The following TBC1D5 variants were observed in gnomAD, a reference collection of about 807,000 sequenced individuals.
The protein encoded by TBC1D5 is TBC1 domain family member 5, also known as TBC1 domain family, member 5.
In TBC1D5, 75 loss-of-function variants were observed where a neutral mutation model predicts 100.3. The ratio of observed to expected loss-of-function variants is 0.75; its 90% CI spans 0.62 to 0.91. TBC1D5 has a LOEUF of 0.91. Among genes scored for constraint, TBC1D5 ranks in the 40% least tolerant of loss-of-function variants. The pLI, the probability that TBC1D5 is intolerant of heterozygous loss-of-function variation, is 0.00. For missense variants in TBC1D5, 910 were observed against 942.4 expected (o/e 0.97, Z 0.45); for synonymous variants, 323 against 325.6 (o/e 0.99, Z 0.09).
chr3:17,233,410 T>C (rs1050346700), intron 17 of TBC1D5, among the ~76,000 whole-genome samples: 1 of 152,108 alleles, frequency 6.6e-6, no homozygotes, highest in Non-Finnish European at 1.5e-5. Flanking sequence ...TATGTTATAA[T>C]AACCACAAAA....
chr3:17,511,845 T>C (rs2095911984), intron 2 of TBC1D5, among the ~76,000 whole-genome samples: 1 of 152,104 alleles, frequency 6.6e-6, no homozygotes, highest in African/African-American at 2.4e-5. Context: ...CACTGAAATG[T>C]TTTTATAATT....
intron 1 of TBC1D5, among the ~76,000 whole-genome samples, chr3:17,648,117 G>A (rs1266924027): frequency 2.6e-5 from 4 of 152,014 alleles, no homozygotes; most frequent in Non-Finnish European, 5.9e-5. Context: ...AGCATGGTAC[G>A]GGTACAAAAA....
At chr3:17,715,811 AG>A (rs894460041) in intron 1 of TBC1D5, among the ~76,000 whole-genome samples, 14 of 151,388 alleles carry the variant, frequency 9.2e-5, no homozygotes, top group African/African-American at 9.7e-5. Flanking sequence ...CTTAAAAAAA[AG>A]GGGGGGGAGG....
At chr3:17,491,516 AG>A (rs1438199323) in intron 3 of TBC1D5, among the ~76,000 whole-genome samples, 4 of 152,184 alleles carry the variant, frequency 2.6e-5, no homozygotes, top group Non-Finnish European at 1.5e-5. Flanking sequence ...TTTAACATGA[AG>A]GGATGTTCAA....
chr3:17,738,194 T>C lies in TBC1D5; in HGVS notation c.-101+1149A>G, dbSNP rs558505910. ...TAAGAGCATTACTATACCAATTTTG[T>C]ATTTTCATCCAAAAAGTACAAACTC... On this transcript the variant is annotated intron_variant, in intron 1 of 21. Coordinates refer to ENST00000253692, the Ensembl canonical transcript of TBC1D5. 3.3e-5 allele frequency among the ~76,000 whole-genome samples: 5 copies of C among 152,350 alleles called. No individual in the cohort carries two copies. The South Asian group carries it at 1.0e-3, about 32-fold the overall frequency.
At chr3:17,724,075 CT>C (rs969049204) in intron 1 of TBC1D5, among the ~76,000 whole-genome samples, 6,780 of 130,998 alleles carry the variant, frequency 0.052, 284 homozygotes, top group African/African-American at 0.16. Flanking sequence ...CGATTGGCAA[CT>C]TTTTTTTTTT....
chr3:17,194,736 T>C (rs1282207351), intron 18 of TBC1D5, among the ~76,000 whole-genome samples: 2 of 152,232 alleles, frequency 1.3e-5, no homozygotes, highest in African/African-American at 4.8e-5. Flanking sequence ...TCATAAGTAA[T>C]ATTTATTAAG....
At chr3:17,702,694 C>T (rs1206870019) in intron 1 of TBC1D5, among the ~76,000 whole-genome samples, 4 of 151,992 alleles carry the variant, frequency 2.6e-5, no homozygotes, top group Admixed American at 2.0e-4. Flanking sequence ...TCAATATGAA[C>T]GAGATTGATG....
At chr3:17,651,747 C>T (rs2065593249) in intron 1 of TBC1D5, among the ~76,000 whole-genome samples, 1 of 151,972 alleles carries the variant, frequency 6.6e-6, no homozygotes, top group African/African-American at 2.4e-5. Flanking sequence ...CCAGGAGAAA[C>T]CACTGGGTTA....
intron 18 of TBC1D5, among the ~76,000 whole-genome samples, chr3:17,194,480 C>A (rs2070382307): frequency 6.6e-6 from 1 of 152,142 alleles, no homozygotes. Context: ...CTATTGTAAA[C>A]ACAAACATTT....
exon 13 of TBC1D5, chr3:17,372,160 T>C (rs1307912997): frequency 6.2e-7 from 1 of 1,613,850 alleles, no homozygotes; most frequent in Admixed American, 1.7e-5. Flanking sequence ...TGATCCTGGA[T>C]CTGGTTGACT....
intron 2 of TBC1D5, among the ~76,000 whole-genome samples, chr3:17,543,976 G>A (rs111651075): frequency 2.0e-5 from 3 of 151,450 alleles, no homozygotes; most frequent in Admixed American, 6.6e-5. Context: ...CAAGCGATTC[G>A]CCTGCCTCAG....
intron 13 of TBC1D5, among the ~76,000 whole-genome samples, chr3:17,368,822 C>T (rs958782495): frequency 3.3e-5 from 5 of 151,866 alleles, no homozygotes; most frequent in African/African-American, 9.7e-5. Context: ...TTAGATGACA[C>T]CATTATGAAT....
At chr3:17,653,650 A>T (rs1462735038) in intron 1 of TBC1D5, among the ~76,000 whole-genome samples, 1 of 152,182 alleles carries the variant, frequency 6.6e-6, no homozygotes, top group African/African-American at 2.4e-5. Flanking sequence ...ATGGTGGAAA[A>T]ACTGGTGAAA....
At chr3:17,170,350 G>A (rs565833432) in intron 19 of TBC1D5, among the ~76,000 whole-genome samples, 24 of 152,308 alleles carry the variant, frequency 1.6e-4, no homozygotes, top group African/African-American at 5.8e-4. Context: ...GGAGTCAGGA[G>A]CATCAGGACA....
chr3:17,706,226 G>C, intron 1 of TBC1D5: 2 of 1,549,334 alleles, frequency 1.3e-6, no homozygotes, highest in Non-Finnish European at 1.7e-6. Flanking sequence ...GGCTGTGGAG[G>C]CGGCGGCCAC....
chr3:17,323,304 A>G (rs147245642), intron 13 of TBC1D5, among the ~76,000 whole-genome samples: 1 of 152,364 alleles, frequency 6.6e-6, no homozygotes, highest in Non-Finnish European at 1.5e-5. Context: ...TCACAAAGAC[A>G]CTATGAGAAA....
At chr3:17,540,586 C>A (rs933425331) in intron 2 of TBC1D5, among the ~76,000 whole-genome samples, 19 of 151,958 alleles carry the variant, frequency 1.3e-4, no homozygotes, top group Non-Finnish European at 2.1e-4. Flanking sequence ...ATCTTTTCTC[C>A]ACTGAATAGT....
At chr3:17,527,358 T>C (rs918867668) in intron 2 of TBC1D5, among the ~76,000 whole-genome samples, 13 of 151,824 alleles carry the variant, frequency 8.6e-5, no homozygotes, top group Non-Finnish European at 1.2e-4. Context: ...AAGTGGGAAA[T>C]AGCTTGGAGG....
Sources: gnomAD v4.1 joint callset for allele counts (sites outside exome capture counted in the v4.1 genomes callset) on GRCh38, gnomAD v4.1.1 for gene constraint, MANE v1.5 for transcripts, NCBI Gene and HGNC (gene_info 2026-07-23, HGNC 2026-07-21) for gene names.